The following ZNF138 variants were observed in gnomAD, a reference collection of about 807,000 sequenced individuals.
ZNF138 encodes zinc finger protein 138.
ZNF138 carries 33 observed loss-of-function variants against 33.0 expected under a neutral mutation model. The observed-to-expected ratio is 1.00, with a 90% CI of 0.76 to 1.34. The LOEUF (loss-of-function observed/expected upper bound fraction) is 1.34. Ranked by LOEUF, ZNF138 falls within the 40% of genes most tolerant of loss-of-function variation. The pLI, the probability that ZNF138 is intolerant of heterozygous loss-of-function variation, is 0.00. For missense variants in ZNF138, 360 were observed against 370.8 expected (o/e 0.97, Z 0.24); for synonymous variants, 139 against 120.4 (o/e 1.15, Z -1.01).
downstream of ZNF138, among the ~76,000 whole-genome samples, chr7:64,834,916 C>T (rs1054792096): frequency 2.6e-5 from 4 of 151,910 alleles, no homozygotes; most frequent in Admixed American, 6.6e-5. Flanking sequence ...GGAAGGGCAC[C>T]GTGGATCAAT....
chr7:64,830,860 T>A lies in ZNF138; in HGVS notation c.209-591T>A. Reference sequence around the variant, plus strand: ...TAGGATGTGTCAGGTCTGAAATTTTTTAGGGTTTTTTTAGTTCATTCTTGT... The same window carrying A: ...TAGGATGTGTCAGGTCTGAAATTTTATAGGGTTTTTTTAGTTCATTCTTGT... On this transcript the variant is annotated intron_variant, in intron 3 of 3. Coordinates refer to ENST00000307355, the MANE Select transcript of ZNF138 (RefSeq NM_001271639.2). 9.9e-6 allele frequency: 14 copies of A among 1,418,752 alleles called. No individual in the cohort carries two copies. In the South Asian group the frequency reaches 2.2e-4, roughly 23 times the overall value. The allele number at this position is 1,418,752 out of a possible 1,614,324, so 87.9% of individuals were successfully genotyped here. A position where few individuals can be genotyped will look rare whatever the true frequency, so the allele number is the denominator to read the frequency against.
chr7:64,800,225 T>A (rs1787035038), intron 1 of ZNF138, among the ~76,000 whole-genome samples: 1 of 152,154 alleles, frequency 6.6e-6, no homozygotes, highest in African/African-American at 2.4e-5. Flanking sequence ...GACTACCAAT[T>A]CTGTGTTGAA....
chr7:64,803,082 A>G (rs948630161), intron 1 of ZNF138, among the ~76,000 whole-genome samples: 3 of 152,060 alleles, frequency 2.0e-5, no homozygotes, highest in Non-Finnish European at 2.9e-5. Flanking sequence ...ATAAGGGAGG[A>G]TATTTTGTTA....
At chr7:64,847,332 A>ATATTTTT in the ZNF138 span, among the ~76,000 whole-genome samples, 155 of 128,124 alleles carry the variant, frequency 1.2e-3, no homozygotes, top group Non-Finnish European at 1.8e-3. Flanking sequence ...ATATATATAT[A>ATATTTTT]TTTTTTTTTT....
downstream of ZNF138, chr7:64,835,932 T>C (rs1790353996): frequency 6.6e-6 from 1 of 152,264 alleles, no homozygotes; most frequent in Non-Finnish European, 1.5e-5. Flanking sequence ...CGGTCCAGGC[T>C]AGCAGATGGC....
intron 1 of ZNF138, among the ~76,000 whole-genome samples, chr7:64,796,704 G>A (rs971660764): frequency 6.6e-6 from 1 of 152,148 alleles, no homozygotes; most frequent in African/African-American, 2.4e-5. Flanking sequence ...TGCTACCAAG[G>A]AAAAGAATAG....
At chr7:64,817,322 G>A (rs1788728630) in intron 3 of ZNF138, among the ~76,000 whole-genome samples, 1 of 152,202 alleles carries the variant, frequency 6.6e-6, no homozygotes, top group African/African-American at 2.4e-5. Context: ...GGAGGAGTTT[G>A]GGATGGTTAC....
intron 1 of ZNF138, among the ~76,000 whole-genome samples, chr7:64,803,978 C>T (rs188441569): frequency 9.9e-5 from 15 of 152,222 alleles, no homozygotes; most frequent in African/African-American, 1.9e-4. Flanking sequence ...ACCCAAAAAC[C>T]GTAATAGCTC....
At chr7:64,825,076 C>T (rs1304048018) in intron 3 of ZNF138, among the ~76,000 whole-genome samples, 2 of 150,298 alleles carry the variant, frequency 1.3e-5, no homozygotes, top group East Asian at 3.9e-4. Context: ...TTTCAGCCTC[C>T]CAAAGTGCTG....
chr7:64,820,964 T>C (rs1288587672), intron 3 of ZNF138, among the ~76,000 whole-genome samples: 1 of 151,580 alleles, frequency 6.6e-6, no homozygotes, highest in African/African-American at 2.4e-5. Flanking sequence ...TTTATTTTTA[T>C]TGCATTATCA....
downstream of ZNF138, among the ~76,000 whole-genome samples, chr7:64,838,535 T>A (rs980570652): frequency 3.3e-5 from 5 of 152,002 alleles, no homozygotes; most frequent in Non-Finnish European, 7.4e-5. Context: ...AGGGCTTGGG[T>A]TTGGAGCTGA....
At chr7:64,826,107 G>T (rs1789590412) in intron 3 of ZNF138, among the ~76,000 whole-genome samples, 1 of 152,086 alleles carries the variant, frequency 6.6e-6, no homozygotes, top group African/African-American at 2.4e-5. Context: ...AAAACCCTAG[G>T]ATTAATTTCT....
At chr7:64,795,393 T>C (rs1786603447) in intron 1 of ZNF138, among the ~76,000 whole-genome samples, 2 of 152,088 alleles carry the variant, frequency 1.3e-5, no homozygotes, top group African/African-American at 4.8e-5. Flanking sequence ...GTCTCAAGAC[T>C]CCTCCCCCTC....
chr7:64,813,334 A>G (rs10215071), intron 1 of ZNF138, among the ~76,000 whole-genome samples: 142,825 of 152,190 alleles, frequency 0.94, 67,059 homozygotes, highest in South Asian at 0.98. Flanking sequence ...AAAATTATTA[A>G]GAGATCCCTG....
chr7:64,808,776 T>G (rs1787826196), intron 1 of ZNF138, among the ~76,000 whole-genome samples: 1 of 133,140 alleles, frequency 7.5e-6, no homozygotes, highest in Non-Finnish European at 1.7e-5. Context: ...TACTTGAGAT[T>G]AGGGAGTGGT....
At chr7:64,802,837 C>T (rs548366555) in intron 1 of ZNF138, among the ~76,000 whole-genome samples, 161 of 152,136 alleles carry the variant, frequency 1.1e-3, no homozygotes, top group African/African-American at 3.7e-3. Context: ...CTTATCTTTA[C>T]AGATACAGTC....
At chr7:64,804,650 A>T (rs1419724515) in intron 1 of ZNF138, among the ~76,000 whole-genome samples, 1 of 152,130 alleles carries the variant, frequency 6.6e-6, no homozygotes, top group Non-Finnish European at 1.5e-5. Context: ...GTGTGGTGGC[A>T]CATGCCTGTA....
intron 1 of ZNF138, 132 bp downstream of exon 1, chr7:64,794,703 G>A (rs902642995): frequency 7.3e-7 from 1 of 1,363,404 alleles, no homozygotes; most frequent in Non-Finnish European, 1.0e-6. Flanking sequence ...TCTTGGCACA[G>A]CTCGGCCCTC....
At chr7:64,843,569 A>T in the ZNF138 span, among the ~76,000 whole-genome samples, 1 of 152,074 alleles carries the variant, frequency 6.6e-6, no homozygotes, top group Non-Finnish European at 1.5e-5. Flanking sequence ...GTGTCTCTTG[A>T]CCATATGTAT....
Sources: allele counts gnomAD v4.1 joint callset (sites outside exome capture counted in the v4.1 genomes callset), GRCh38; gene constraint gnomAD v4.1.1; transcripts MANE v1.5; gene names NCBI Gene and HGNC (gene_info 2026-07-23, HGNC 2026-07-21).